ZNF674: variants seen among roughly 807,000 people sequenced by gnomAD.
The protein encoded by ZNF674 is zinc finger family member 674.
Under a neutral mutation model 7.0 loss-of-function variants are expected in ZNF674, and 2 were observed. The observed-to-expected ratio is 0.29, with a 90% CI of 0.12 to 0.90. ZNF674 has a LOEUF of 0.90. Among genes scored for constraint, ZNF674 ranks in the 40% least tolerant of loss-of-function variants. The pLI is 0.57. For missense variants in ZNF674, 297 were observed against 415.5 expected, an observed-to-expected ratio of 0.71 and a Z score of 2.48; for synonymous variants, 103 against 145.2, an observed-to-expected ratio of 0.71 and a Z score of 2.09.
At chrX:46,532,957 G>A (rs2058926448) in intron 3 of ZNF674, among the ~76,000 whole-genome samples, 1 of 111,966 alleles carries the variant, frequency 8.9e-6, no homozygotes, top group African/African-American at 3.2e-5. Context: ...GTGGCTCATG[G>A]GCTGTGGGTT....
At chrX:46,511,529 G>C (rs932333414) in intron 5 of ZNF674, among the ~76,000 whole-genome samples, 3 of 112,041 alleles carry the variant, frequency 2.7e-5, no homozygotes, top group African/African-American at 9.7e-5. Context: ...AGAGTTCACT[G>C]AAAGGAAAAT....
At chrX:46,519,522 C>T (rs1341285332) in intron 5 of ZNF674, among the ~76,000 whole-genome samples, 13 of 108,020 alleles carry the variant, frequency 1.2e-4, no homozygotes, top group Non-Finnish European at 1.3e-4. Context: ...GCAGGAGAAT[C>T]GCTTGAACCA....
rs749816829 is a variant in ZNF674, at chrX:46,500,008, A to G, written c.1566T>C (p.Cys522=). The G allele has an allele frequency of 3.3e-6, 4 of 1,206,804 alleles. No individual in the cohort carries two copies. The highest frequency in any genetic ancestry group is 3.4e-6 in the Non-Finnish European group (3 of 893,832). ...RIHTGEKPYK[C]SECGKAFSVK... is the part of the protein sequence containing the mutation. Reference sequence around the variant, plus strand: ...CACTGAAGGCCTTCCCACATTCACTACATTTGTAAGGTTTTTCTCCTGTAT... The same window carrying G: ...CACTGAAGGCCTTCCCACATTCACTGCATTTGTAAGGTTTTTCTCCTGTAT... Residue 522 remains cysteine, a synonymous_variant, in exon 6 of 6, where the codon TGT becomes TGC. Transcript: ENST00000683375.
intron 5 of ZNF674, among the ~76,000 whole-genome samples, chrX:46,509,967 C>T (rs369272638): frequency 5.7e-4 from 63 of 110,333 alleles, no homozygotes; most frequent in Non-Finnish European, 9.7e-4. Flanking sequence ...CCATAAAAAA[C>T]GATGAGTTCA....
intron 5 of ZNF674, chrX:46,527,821 A>T (rs749417598): frequency 7.8e-6 from 1 of 127,677 alleles, no homozygotes; most frequent in African/African-American, 3.3e-5. Flanking sequence ...GGCTGGGTAG[A>T]GTAAAGGTCA....
chrX:46,503,845 C>G (rs1383883999), intron 5 of ZNF674, among the ~76,000 whole-genome samples: 2 of 111,044 alleles, frequency 1.8e-5, no homozygotes, highest in East Asian at 2.8e-4. Flanking sequence ...AATATACAGC[C>G]TGGGCAACAT....
At position 46,519,269 on chromosome X, in the gene ZNF674, TA is replaced by T. The variant is rs1252152202; in HGVS notation, c.238+9080del. Among the ~76,000 whole-genome samples, 4 of 73,349 alleles carry T rather than the reference TA, an allele frequency of 5.5e-5. No homozygotes were observed. In the East Asian group the frequency reaches 1.7e-3, roughly 32 times the overall value. 63.7% of individuals were successfully genotyped at this position (73,349 alleles called of 115,157 possible). A position where few individuals can be genotyped will look rare whatever the true frequency, so the allele number is the denominator to read the frequency against. On this transcript the variant is annotated intron_variant, in intron 5 of 5. Coordinates refer to ENST00000683375, the MANE Select transcript of ZNF674 (RefSeq NM_001190417.2). ...AGATAGATAGATAGATAGATAAAGA[TA>T]GATGATAGATAGATAGATAGATAGA...
At chrX:46,512,021 C>G (rs1341848781) in intron 5 of ZNF674, among the ~76,000 whole-genome samples, 1 of 86,313 alleles carries the variant, frequency 1.2e-5, no homozygotes, top group African/African-American at 4.5e-5. Context: ...GAAACTCCAT[C>G]TCAAAAAAAA....
rs922015598 is a variant in ZNF674 at position 46,501,426 on chromosome X, A to G, written c.239-91T>C. 1.3e-4 allele frequency: 119 copies of G among 913,668 alleles called. No individual in the cohort carries two copies. In the Admixed American group the frequency reaches 2.6e-3, roughly 20 times the overall value. 75.3% of individuals were successfully genotyped at this position (913,668 alleles called of 1,213,427 possible). On this transcript the variant is annotated intron_variant, in intron 5 of 5. Transcript: ENST00000683375. The stretch of plus-strand genomic sequence containing the variant: ...CTAAATGCCCAAGCAGTGAACTCCT[A>G]TCAACATGACTTGAGCTGATGTGGA...
intron 3 of ZNF674, among the ~76,000 whole-genome samples, chrX:46,531,756 TGAGTA>T (rs985153649): frequency 4.5e-5 from 5 of 111,451 alleles, no homozygotes; most frequent in Admixed American, 9.6e-5. Flanking sequence ...ACAGATCCTC[TGAGTA>T]GAGTGTCAGA....
chrX:46,521,147 G>A (rs1281955562), intron 5 of ZNF674, among the ~76,000 whole-genome samples: 1 of 103,712 alleles, frequency 9.6e-6, no homozygotes, highest in Non-Finnish European at 2.0e-5. Context: ...GGAGGTTGCA[G>A]TGAGCCAAGA....
rs182004761 is a variant in ZNF674 at position 46,500,988 on chromosome X, G to A, written c.586C>T (p.Arg196Ter). ...TGCTTTTGGTGGAGGGCTTTCCCTC[G>A]TTGATTAGGGTCAAAAAATCTCTCT... ...PAERFFDPNQ[R>*]GKALHQKQAL... The change falls in exon 6 of 6, where the codon CGA becomes TGA. Residue 196 changes from arginine to a stop codon, truncating the protein, a stop_gained. Transcript: ENST00000683375. LOFTEE classifies it low-confidence loss of function (END_TRUNC). 6.3e-3 allele frequency: 7,468 copies of A among 1,192,467 alleles called. 16 individuals are homozygous for A. The highest frequency in any genetic ancestry group is 7.6e-3 in the Non-Finnish European group (6,772 of 886,040).
intron 3 of ZNF674, among the ~76,000 whole-genome samples, chrX:46,533,831 T>A (rs6521116): frequency 0.051 from 2,522 of 49,084 alleles, 79 homozygotes; most frequent in Admixed American, 0.062. Context: ...AAAAAAAAAA[T>A]ATATATATAT....
chrX:46,545,010 C>T, intron 1 of ZNF674, among the ~76,000 whole-genome samples: 1 of 111,671 alleles, frequency 9.0e-6, no homozygotes, highest in Middle Eastern at 4.6e-3. Context: ...AAAAGGATTC[C>T]TCGGGTTTGC....
At chrX:46,512,911 T>G (rs190240876) in intron 5 of ZNF674, among the ~76,000 whole-genome samples, 2 of 111,495 alleles carry the variant, frequency 1.8e-5, no homozygotes, top group East Asian at 5.6e-4. Flanking sequence ...ATCTAGAATA[T>G]ACAAAGAATT....
At chrX:46,533,422 G>T (rs888543463) in intron 3 of ZNF674, among the ~76,000 whole-genome samples, 16 of 111,219 alleles carry the variant, frequency 1.4e-4, no homozygotes, top group African/African-American at 4.3e-4. Context: ...CAGTGAATTG[G>T]TTTTGACTGT....
chrX:46,532,382 A>G (rs1335590250), intron 3 of ZNF674, among the ~76,000 whole-genome samples: 1 of 111,887 alleles, frequency 8.9e-6, no homozygotes, highest in African/African-American at 3.2e-5. Flanking sequence ...TACTAATCAT[A>G]TAGCAAAGAG....
rs1258090818 is a variant in ZNF674 at position 46,528,691 on chromosome X, C to T, written c.142+92G>A. 4 of 1,161,240 alleles carry T rather than the reference C, an allele frequency of 3.4e-6. No homozygotes were observed. The African/African-American group carries it at 5.3e-5, about 15-fold the overall frequency. On this transcript the variant is annotated intron_variant, in intron 4 of 5. Coordinates refer to ENST00000683375, the MANE Select transcript of ZNF674 (RefSeq NM_001190417.2). ...AACTCACTGAGGGTGGTAACCCACACTCATTGTTCCTAGGCCCCAGAGCTT... is the reference window on the plus strand; with the variant it reads ...AACTCACTGAGGGTGGTAACCCACATTCATTGTTCCTAGGCCCCAGAGCTT...
chrX:46,505,768 T>TCACACACACACACACACACACACA (rs56158505), intron 5 of ZNF674, among the ~76,000 whole-genome samples: 1 of 100,230 alleles, frequency 1.0e-5, no homozygotes, highest in African/African-American at 3.7e-5. Flanking sequence ...CAAAACTCTG[T>TCACACACACACACACACACACACA]CACACACACA....
Sources: gnomAD v4.1 joint callset for allele counts (sites outside exome capture counted in the v4.1 genomes callset) on GRCh38, gnomAD v4.1.1 for gene constraint, MANE v1.5 for transcripts, NCBI Gene and HGNC (gene_info 2026-07-23, HGNC 2026-07-21) for gene names.